Variants in CACNA1S observed in about 807,000 individuals in gnomAD.
The protein encoded by CACNA1S is calcium voltage-gated channel subunit alpha1 S.
In CACNA1S, 126 loss-of-function variants were observed where a neutral mutation model predicts 207.4. The ratio of observed to expected loss-of-function variants is 0.61; its 90% CI spans 0.53 to 0.70. CACNA1S has a LOEUF of 0.70. Among genes scored for constraint, CACNA1S ranks in the 30% least tolerant of loss-of-function variants. The pLI, the probability that CACNA1S is intolerant of heterozygous loss-of-function variation, is 0.00. For synonymous variants in CACNA1S, 960 were observed against 932.7 expected (o/e 1.03, Z -0.53); for missense variants, 2,349 against 2,422.8 (o/e 0.97, Z 0.64).
At chr1:201,085,685 C>T in intron 7 of CACNA1S, 104 bp from the exon 8 acceptor site, 2 of 1,381,208 alleles carry the variant, frequency 1.4e-6, no homozygotes, top group Non-Finnish European at 1.0e-6. Context: ...GACTGGAGCG[C>T]TCCTTTTTCT....
intron 42 of CACNA1S, 88 bp from the exon 43 acceptor site, chr1:201,040,462 AAC>A: frequency 6.5e-7 from 1 of 1,540,032 alleles, no homozygotes; most frequent in South Asian, 1.1e-5. Context: ...AGGGCAACTC[AAC>A]CAAGATCCAC....
At chr1:201,059,327 TC>T in intron 26 of CACNA1S, 28 bp from the exon 27 acceptor site, 2 of 1,509,960 alleles carry the variant, frequency 1.3e-6, no homozygotes, top group Non-Finnish European at 1.8e-6. Flanking sequence ...GAGCAGTGGG[TC>T]AGGGGGGCCG....
chr1:201,056,591 T>C (rs1400641266), intron 28 of CACNA1S, among the ~76,000 whole-genome samples: 1 of 152,194 alleles, frequency 6.6e-6, no homozygotes, highest in Admixed American at 6.5e-5. Context: ...GAAAGAAGAA[T>C]GCTCATCTTT....
intron 28 of CACNA1S, among the ~76,000 whole-genome samples, chr1:201,057,363 C>T (rs549967124): frequency 6.6e-6 from 1 of 152,254 alleles, no homozygotes; most frequent in African/African-American, 2.4e-5. Flanking sequence ...CTTCAGGCCT[C>T]TGCTCCAGTG....
At position 201,075,679 on chromosome 1, in the gene CACNA1S, C is replaced by T. The variant is rs777558124; in HGVS notation, c.1828-64G>A. On this transcript the variant is annotated intron_variant, in intron 12 of 43. Transcript: ENST00000362061. ...GGGCCTGAGAGTCTTCTATTGGGAC[C>T]GCATTGACCGAAGTTCTCCTCCAAC... is the stretch of plus-strand genomic sequence containing the variant. The T allele has an allele frequency of 3.1e-4, 490 of 1,559,702 alleles. 2 individuals are homozygous for T. The highest frequency in any genetic ancestry group is 1.5e-4 in the Admixed American group (9 of 59,370).
In CACNA1S at chr1:201,068,288, G is replaced by T. The variant is rs1316347110; in HGVS notation, c.2550+849C>A. Among the ~76,000 whole-genome samples the T allele has an allele frequency of 2.4e-5, 3 of 126,898 alleles. No homozygotes were observed. The Admixed American group carries it at 2.8e-4, about 12-fold the overall frequency. The allele number at this position is 126,898 out of a possible 152,430, so 83.3% of individuals were successfully genotyped here. A position where few individuals can be genotyped will look rare whatever the true frequency, so the allele number is the denominator to read the frequency against. Reference sequence around the variant, plus strand: ...AGATGGAGTCTCTCTCGTCACCCAGGCTGGAGTGCAGTGGCATGATCTCAG... The same window carrying T: ...AGATGGAGTCTCTCTCGTCACCCAGTCTGGAGTGCAGTGGCATGATCTCAG... On this transcript the variant is annotated intron_variant, in intron 19 of 43. Coordinates refer to ENST00000362061, the MANE Select transcript of CACNA1S (RefSeq NM_000069.3).
intron 18 of CACNA1S, 21 bp downstream of exon 18, chr1:201,069,451 A>G: frequency 6.2e-7 from 1 of 1,606,150 alleles, no homozygotes; most frequent in Non-Finnish European, 8.5e-7. Flanking sequence ...GCTGAGTGGC[A>G]GAGAGGGTGA....
At chr1:201,105,086 G>A (rs1447972107) in intron 2 of CACNA1S, among the ~76,000 whole-genome samples, 1 of 152,216 alleles carries the variant, frequency 6.6e-6, no homozygotes. Flanking sequence ...ACTGGGGAGG[G>A]GTGATCAGGA....
intron 2 of CACNA1S, among the ~76,000 whole-genome samples, chr1:201,097,905 G>A (rs755884112): frequency 2.0e-5 from 3 of 152,134 alleles, no homozygotes; most frequent in Non-Finnish European, 4.4e-5. Context: ...TGCCCTTGCT[G>A]TTCTCTCTGC....
chr1:201,108,349 C>T (rs150799223), intron 2 of CACNA1S, among the ~76,000 whole-genome samples: 1,654 of 152,234 alleles, frequency 0.011, 39 homozygotes, highest in African/African-American at 0.037. Flanking sequence ...GATTTCTTCA[C>T]GTCTCAGCCT....
Position 201,050,967 on chromosome 1 carries a change from G to A in CACNA1S, c.4113+17C>T, listed in dbSNP as rs1483226684. The A allele has an allele frequency of 1.9e-6, 3 of 1,613,790 alleles. No homozygotes were observed. Among genetic ancestry groups the A allele is most frequent in the Non-Finnish European group, 1.7e-6 (2 of 1,179,828 alleles). ...ATCAAAGCCCTCTCCCTGCCCCGCA[G>A]GCCCTCAGCATCTCACCAGGAAGGC... On this transcript the variant is annotated intron_variant, in intron 33 of 43. Transcript: ENST00000362061.
rs1440800771 is a variant in CACNA1S, at chr1:201,066,699, C to G, written c.2657+188G>C. 6.6e-6 allele frequency among the ~76,000 whole-genome samples: 1 copy of G among 152,210 alleles called. No individual in the cohort carries two copies. Among genetic ancestry groups the G allele is most frequent in the East Asian group, 1.9e-4 (1 of 5,192 alleles). The stretch of plus-strand genomic sequence containing the variant: ...CCAGTCTCTAGAACAGAGCGCTGCC[C>G]ACTTCACTGGTGGCAACCCACATTC... On this transcript the variant is annotated intron_variant, in intron 20 of 43. Coordinates refer to ENST00000362061, the MANE Select transcript of CACNA1S (RefSeq NM_000069.3). This position sits in a 1 kb window ranked among gnomAD's most constrained non-coding sequence, Gnocchi z 4.3.
intron 10 of CACNA1S, among the ~76,000 whole-genome samples, chr1:201,079,055 A>G (rs1483112231): frequency 3.4e-5 from 5 of 146,016 alleles, no homozygotes; most frequent in Non-Finnish European, 7.5e-5. Flanking sequence ...TGGGAGGCGG[A>G]GGTTGCAGTG....
At position 201,039,939 on chromosome 1, in the gene CACNA1S, G is replaced by A. The variant is rs770076150; in HGVS notation, c.5514C>T (p.Ala1838=). 2 of 1,614,148 alleles carry A rather than the reference G, an allele frequency of 1.2e-6. No individual in the cohort carries two copies. Residue 1838 remains alanine (A), a synonymous_variant, in exon 44 of 44, where the codon GCC becomes GCT. Coordinates refer to ENST00000362061, the MANE Select transcript of CACNA1S (RefSeq NM_000069.3). ...MATELLKGRE[A]PEGMASSLGC... is the part of the protein sequence containing the mutation. Reference sequence around the variant, plus strand: ...CCAGGGAGCTGGCCATGCCCTCTGGGGCCTCTCGTCCTTTCAGTAGCTCTG... The same window carrying A: ...CCAGGGAGCTGGCCATGCCCTCTGGAGCCTCTCGTCCTTTCAGTAGCTCTG...
intron 1 of CACNA1S, among the ~76,000 whole-genome samples, chr1:201,111,412 C>T (rs184885584): frequency 6.6e-6 from 1 of 152,244 alleles, no homozygotes. Context: ...CCTCCCTTCC[C>T]CAAATAACCC....
chr1:201,105,435 A>T (rs1345179287), intron 2 of CACNA1S, among the ~76,000 whole-genome samples: 1 of 152,220 alleles, frequency 6.6e-6, no homozygotes, highest in Non-Finnish European at 1.5e-5. Context: ...GAGGGAACAG[A>T]AAGGTTACAT....
Position 201,053,289 on chromosome 1 carries a change from G to A in CACNA1S, c.3796-15C>T, listed in dbSNP as rs1660721987. On this transcript the variant is annotated splice_polypyrimidine_tract_variant and intron_variant, in intron 30 of 43. Transcript: ENST00000362061. This position sits in a 1 kb window ranked among gnomAD's most constrained non-coding sequence, Gnocchi z 5.1. ...TAGGGTAGGGCCTGCAGGGCGGGCG[G>A]GAGCGCCAGTCAGTGTCTTAGGGCT... 6.2e-7 allele frequency: 1 copy of A among 1,613,984 alleles called. No homozygotes were observed. Among genetic ancestry groups the A allele is most frequent in the South Asian group, 1.1e-5 (1 of 91,086 alleles).
At position 201,085,437 on chromosome 1, in the gene CACNA1S, T is replaced by G. The variant is rs544185379; in HGVS notation, c.1149A>C (p.Glu383Asp). Residue 383 changes from glutamate to aspartate, a missense_variant and splice_region_variant, in exon 8 of 44, where the codon GAA becomes GAC. Glu to Asp is a conservative substitution (Grantham distance 45, BLOSUM62 2). Transcript: ENST00000362061. The part of the protein sequence containing the change: ...GEVMDVEDFR[E>D]GKLSLDEGGS... Reference sequence around the variant, plus strand: ...TGACCACAGCCTTTGGGCCCAAACCTTCTCTGAAGTCCTCAACATCCATGA... The same window carrying G: ...TGACCACAGCCTTTGGGCCCAAACCGTCTCTGAAGTCCTCAACATCCATGA... 1.2e-6 allele frequency: 2 copies of G among 1,613,640 alleles called. No individual in the cohort carries two copies. Among genetic ancestry groups the G allele is most frequent in the South Asian group, 2.2e-5 (2 of 91,040 alleles).
At chr1:201,108,387 G>A (rs931990804) in intron 2 of CACNA1S, among the ~76,000 whole-genome samples, 2 of 152,160 alleles carry the variant, frequency 1.3e-5, no homozygotes, top group Non-Finnish European at 2.9e-5. Flanking sequence ...ACAGGCATGA[G>A]TCACTGCATC....
Sources: allele counts gnomAD v4.1 joint callset (sites outside exome capture counted in the v4.1 genomes callset), GRCh38; gene constraint gnomAD v4.1.1; non-coding constraint Gnocchi (gnomAD v3.1); transcripts MANE v1.5; gene names NCBI Gene and HGNC (gene_info 2026-07-23, HGNC 2026-07-21).